PRR16: variants seen among roughly 807,000 people sequenced by gnomAD.
PRR16 encodes the protein proline rich 16, also known as protein Largen.
A neutral mutation model predicts 18.2 loss-of-function variants in PRR16; 6 were observed. The observed-to-expected ratio is 0.33, with a 90% CI of 0.18 to 0.65. The LOEUF is 0.65. Ranked by LOEUF, PRR16 falls within the 30% of genes least tolerant of loss-of-function variation. The pLI is 0.74. For missense variants in PRR16, 412 were observed against 376.6 expected (o/e 1.09, Z -0.78); for synonymous variants, 151 against 147.8 (o/e 1.02, Z -0.16).
chr5:120,527,187 A>G (rs180923227), intron 1 of PRR16, among the ~76,000 whole-genome samples: 1 of 152,316 alleles, frequency 6.6e-6, no homozygotes, highest in Admixed American at 6.5e-5. Context: ...AAAATCACCA[A>G]TATTTGTATA....
chr5:120,661,052 A>G (rs1756156898), intron 1 of PRR16, among the ~76,000 whole-genome samples: 2 of 152,108 alleles, frequency 1.3e-5, no homozygotes, highest in Non-Finnish European at 2.9e-5. Flanking sequence ...GTAGTCCAAG[A>G]TAGCATATTT....
At chr5:120,786,737 T>C in the PRR16 span, among the ~76,000 whole-genome samples, 2 of 151,958 alleles carry the variant, frequency 1.3e-5, no homozygotes, top group Admixed American at 6.6e-5. Flanking sequence ...GTCCTTAGCT[T>C]TGCTTGCTGT....
intron 1 of PRR16, among the ~76,000 whole-genome samples, chr5:120,551,011 A>G (rs766275031): frequency 2.0e-5 from 3 of 151,972 alleles, no homozygotes; most frequent in Non-Finnish European, 2.9e-5. Flanking sequence ...TAATTAACAT[A>G]TGTATAACTT....
chr5:120,706,057 C>T, the PRR16 span, among the ~76,000 whole-genome samples: 2 of 151,992 alleles, frequency 1.3e-5, no homozygotes, highest in Non-Finnish European at 2.9e-5. Flanking sequence ...TAAATGGGTA[C>T]AAAAATGGCT....
At chr5:120,633,289 C>T (rs544272281) in intron 1 of PRR16, among the ~76,000 whole-genome samples, 2 of 152,162 alleles carry the variant, frequency 1.3e-5, no homozygotes, top group African/African-American at 4.8e-5. Flanking sequence ...CTCACAGGAC[C>T]TATGTAACAA....
At chr5:120,473,186 T>C (rs1749326126) in intron 1 of PRR16, among the ~76,000 whole-genome samples, 1 of 152,212 alleles carries the variant, frequency 6.6e-6, no homozygotes, top group Admixed American at 6.5e-5. Flanking sequence ...GACATAACTT[T>C]GTAATTTTAA....
chr5:120,666,871 T>C (rs1377896019), intron 1 of PRR16, among the ~76,000 whole-genome samples: 8 of 148,034 alleles, frequency 5.4e-5, no homozygotes, highest in African/African-American at 2.0e-4. Flanking sequence ...CAGTATTTTA[T>C]TGAGGATTTT....
chr5:120,678,561 A>G (rs1018977097), intron 1 of PRR16, among the ~76,000 whole-genome samples: 8 of 152,194 alleles, frequency 5.3e-5, no homozygotes, highest in African/African-American at 1.7e-4. Flanking sequence ...GACAGTCCCA[A>G]TACATTAAGG....
chr5:120,737,307 GTTTTTTTTTTTTTT>G, the PRR16 span, among the ~76,000 whole-genome samples: 844 of 51,168 alleles, frequency 0.016, 25 homozygotes, highest in African/African-American at 0.052. Flanking sequence ...AGTTTGTTGA[GTTTTTTTTTTTTTT>G]TTTTTTTTTT....
At chr5:120,677,905 C>CTTTTTTTTTTT (rs386404833) in intron 1 of PRR16, among the ~76,000 whole-genome samples, 319 of 93,152 alleles carry the variant, frequency 3.4e-3, no homozygotes, top group South Asian at 4.9e-3. Context: ...CTTTTTCTTT[C>CTTTTTTTTTTT]TTTTTTTTTT....
the PRR16 span, among the ~76,000 whole-genome samples, chr5:120,764,943 G>T: frequency 6.6e-6 from 1 of 152,024 alleles, no homozygotes; most frequent in African/African-American, 2.4e-5. Context: ...GGATGCCTGT[G>T]TTGATCATTT....
At chr5:120,705,434 C>G in the PRR16 span, among the ~76,000 whole-genome samples, 6 of 151,914 alleles carry the variant, frequency 3.9e-5, no homozygotes, top group East Asian at 5.8e-4. Flanking sequence ...AAAAGTTTAT[C>G]TGTTCATCTT....
chr5:120,637,788 T>C (rs1411016564), intron 1 of PRR16, among the ~76,000 whole-genome samples: 2 of 152,112 alleles, frequency 1.3e-5, no homozygotes, highest in Non-Finnish European at 2.9e-5. Flanking sequence ...TGAGCTGCAT[T>C]CATGCCACCA....
chr5:120,676,522 A>ATATGTG (rs1229784853), intron 1 of PRR16, among the ~76,000 whole-genome samples: 133 of 126,072 alleles, frequency 1.1e-3, no homozygotes, highest in African/African-American at 3.3e-3. Flanking sequence ...ATATATATAT[A>ATATGTG]TGTGTGTGTG....
intron 1 of PRR16, among the ~76,000 whole-genome samples, chr5:120,593,913 C>A (rs903657386): frequency 6.6e-6 from 1 of 152,064 alleles, no homozygotes; most frequent in Non-Finnish European, 1.5e-5. Context: ...ACATTATAAT[C>A]TCAGTAGATG....
intron 1 of PRR16, among the ~76,000 whole-genome samples, chr5:120,547,783 C>G (rs1752119597): frequency 6.6e-6 from 1 of 151,962 alleles, no homozygotes; most frequent in Non-Finnish European, 1.5e-5. Flanking sequence ...GTGTGAAGAT[C>G]TCTGAGTCTA....
chr5:120,738,259 G>A, the PRR16 span, among the ~76,000 whole-genome samples: 1 of 152,044 alleles, frequency 6.6e-6, no homozygotes. Flanking sequence ...GGGTATAGCT[G>A]TAAGCTAATC....
At position 120,512,515 on chromosome 5, in the gene PRR16, C is replaced by T. The variant is rs916726600; in HGVS notation, c.159+47870C>T. The stretch of plus-strand genomic sequence containing the variant: ...AAGGGATGAATTGCATCTTATGGGT[C>T]GGTGGTTTCTGGCGGCATAGAAAAA... On this transcript the variant is annotated intron_variant, in intron 1 of 1. Coordinates refer to ENST00000407149, the MANE Select transcript of PRR16 (RefSeq NM_001300783.2). 4.6e-5 allele frequency among the ~76,000 whole-genome samples: 7 copies of T among 152,094 alleles called. No homozygotes were observed. The East Asian group carries it at 1.2e-3, about 25-fold the overall frequency.
chr5:120,672,539 T>C (rs1440762108), intron 1 of PRR16, among the ~76,000 whole-genome samples: 1 of 86,352 alleles, frequency 1.2e-5, no homozygotes, highest in Middle Eastern at 3.9e-3. Flanking sequence ...TATAGATATA[T>C]ATGTGTGTGT....
Sources: allele counts gnomAD v4.1 joint callset (sites outside exome capture counted in the v4.1 genomes callset), GRCh38; gene constraint gnomAD v4.1.1; transcripts MANE v1.5; gene names NCBI Gene and HGNC (gene_info 2026-07-23, HGNC 2026-07-21).